MED12L: variants seen among roughly 807,000 people sequenced by gnomAD.
The protein encoded by MED12L is mediator of RNA polymerase II transcription subunit 12-like protein.
A neutral mutation model predicts 281.3 loss-of-function variants in MED12L; 60 were observed. The ratio of observed to expected loss-of-function variants is 0.21; its 90% CI spans 0.17 to 0.26. MED12L has a LOEUF of 0.26. MED12L is among the 10% of genes least tolerant of loss of function. The probability of loss-of-function intolerance (pLI) is 1.00; values close to 1 mark genes in which losing one functional copy is unlikely to be tolerated. For missense variants in MED12L, 2,146 were observed against 2,680.9 expected (o/e 0.80, Z 4.41); for synonymous variants, 974 against 987.2 (o/e 0.99, Z 0.25).
rs530355064 is a variant in MED12L at position 151,200,714 on chromosome 3, T to C, written c.2250+7048T>C. Among the ~76,000 whole-genome samples, 5 of 152,378 alleles carry C rather than the reference T, an allele frequency of 3.3e-5. No individual in the cohort carries two copies. In the South Asian group the frequency reaches 1.0e-3, roughly 32 times the overall value. ...GCCCTTTCTCTTTCCCTACCTGAGT[T>C]AGCACGTTAGAGTCCATGAATAATG... is the stretch of plus-strand genomic sequence containing the variant. On this transcript the variant is annotated intron_variant, in intron 16 of 44. Coordinates refer to ENST00000687756, the MANE Select transcript of MED12L (RefSeq NM_001393769.1).
chr3:151,298,443 A>G (rs926184287), intron 16 of MED12L, among the ~76,000 whole-genome samples: 1 of 152,236 alleles, frequency 6.6e-6, no homozygotes, highest in African/African-American at 2.4e-5. Flanking sequence ...ATATTATCAA[A>G]CATGATTTCC....
chr3:151,088,999 T>C (rs1187163301), intron 2 of MED12L, among the ~76,000 whole-genome samples: 1 of 152,222 alleles, frequency 6.6e-6, no homozygotes, highest in Non-Finnish European at 1.5e-5. Context: ...TTGGCTGTTC[T>C]TGGGTGGTTG....
At chr3:151,125,945 C>T (rs1173369634) in intron 4 of MED12L, among the ~76,000 whole-genome samples, 1 of 152,000 alleles carries the variant, frequency 6.6e-6, no homozygotes, top group Non-Finnish European at 1.5e-5. Flanking sequence ...TCGCCTCTGT[C>T]ATGGGGTCTG....
chr3:151,393,979 C>T (rs1560120007), intron 38 of MED12L, among the ~76,000 whole-genome samples: 1 of 151,862 alleles, frequency 6.6e-6, no homozygotes, highest in African/African-American at 2.4e-5. Flanking sequence ...CAAATGTCGA[C>T]TTTTTTTTCC....
At chr3:151,342,485 T>A (rs556441091) in intron 16 of MED12L, among the ~76,000 whole-genome samples, 1 of 152,184 alleles carries the variant, frequency 6.6e-6, no homozygotes, top group African/African-American at 2.4e-5. Flanking sequence ...AAATGCACAT[T>A]TTTGGGCACC....
rs1719621802 is a variant in MED12L at position 151,158,816 on chromosome 3, C to T, written c.837+17C>T. On this transcript the variant is annotated intron_variant, in intron 7 of 44. Transcript: ENST00000687756. ...ATGCTGCAGGTATAGTACATGTCCC[C>T]TTGAGGCAGTTGGTTTTATGGGCAA... 1 of 1,544,368 alleles carries T rather than the reference C, an allele frequency of 6.5e-7. No individual in the cohort carries two copies. Among genetic ancestry groups the T allele is most frequent in the East Asian group, 2.3e-5 (1 of 44,386 alleles).
intron 16 of MED12L, chr3:151,294,831 G>C (rs766162743): frequency 1.2e-6 from 2 of 1,614,020 alleles, no homozygotes; most frequent in Middle Eastern, 1.6e-4. Context: ...TTCAGATAGC[G>C]ATCAATGCTT....
intron 16 of MED12L, among the ~76,000 whole-genome samples, chr3:151,211,025 A>G (rs1353346954): frequency 1.3e-5 from 2 of 152,192 alleles, no homozygotes; most frequent in African/African-American, 2.4e-5. Context: ...CACTAGTGCT[A>G]GTGATTTCTG....
chr3:151,322,067 C>G (rs1457470255), intron 16 of MED12L, among the ~76,000 whole-genome samples: 1 of 152,194 alleles, frequency 6.6e-6, no homozygotes, highest in Non-Finnish European at 1.5e-5. Context: ...TTGTACTTCT[C>G]TGTTAGCTAT....
At chr3:151,299,862 T>C (rs1468859855) in intron 16 of MED12L, among the ~76,000 whole-genome samples, 2 of 152,184 alleles carry the variant, frequency 1.3e-5, no homozygotes, top group Non-Finnish European at 2.9e-5. Context: ...AAACAAAGTT[T>C]AAAACAAAAT....
chr3:151,411,258 T>C lies in MED12L; in HGVS notation c.5911-20T>C. On this transcript the variant is annotated intron_variant, in intron 40 of 44. Coordinates refer to ENST00000687756, the MANE Select transcript of MED12L (RefSeq NM_001393769.1). ...GTGATAAGTTGAAACATTGACTTCTTCCCTTGTGCCTACCTGCAGACCATG... is the reference window on the plus strand; with the variant it reads ...GTGATAAGTTGAAACATTGACTTCTCCCCTTGTGCCTACCTGCAGACCATG... 6.2e-7 allele frequency: 1 copy of C among 1,607,356 alleles called. No individual in the cohort carries two copies.
intron 16 of MED12L, among the ~76,000 whole-genome samples, chr3:151,318,406 G>T (rs1364606000): frequency 1.3e-5 from 2 of 150,786 alleles, no homozygotes. Context: ...GAGCAGAAGG[G>T]TTATGCTATG....
At chr3:151,113,961 T>TAA (rs1410081719) in intron 2 of MED12L, among the ~76,000 whole-genome samples, 2 of 151,740 alleles carry the variant, frequency 1.3e-5, no homozygotes, top group Non-Finnish European at 2.9e-5. Flanking sequence ...AGTAAAAACA[T>TAA]ATGCTGTTAC....
At position 151,434,973 on chromosome 3, in the gene MED12L, G is replaced by C. The variant is rs1719938249; in HGVS notation, c.*2169G>C. 1 of 149,590 alleles carries C rather than the reference G, an allele frequency of 6.7e-6. No individual in the cohort carries two copies. The highest frequency in any genetic ancestry group is 2.1e-4 in the South Asian group (1 of 4,708). The allele number at this position is 149,590 out of a possible 1,614,324, so 9.3% of individuals were successfully genotyped here. A position where few individuals can be genotyped will look rare whatever the true frequency, so the allele number is the denominator to read the frequency against. On this transcript the variant is annotated 3_prime_UTR_variant, in exon 45 of 45. Coordinates refer to ENST00000687756, the MANE Select transcript of MED12L (RefSeq NM_001393769.1). ...ATTCTATTGAAAGTTGAGGAATGCT[G>C]TTTTACCCCTGCGCATTATAAAGAA... is the stretch of plus-strand genomic sequence containing the variant.
chr3:151,366,514 T>A (rs1577456199), intron 23 of MED12L, among the ~76,000 whole-genome samples: 1 of 152,350 alleles, frequency 6.6e-6, no homozygotes, highest in South Asian at 2.1e-4. Flanking sequence ...AAGATACCCC[T>A]TGTATATATC....
At chr3:151,369,938 G>C (rs1755975145) in intron 26 of MED12L, among the ~76,000 whole-genome samples, 1 of 152,076 alleles carries the variant, frequency 6.6e-6, no homozygotes, top group Admixed American at 6.6e-5. Context: ...TATTTCAGGA[G>C]CAGAACACCA....
chr3:151,350,103 C>T lies in MED12L; in HGVS notation c.2295C>T (p.Leu765=). 3 of 1,613,456 alleles carry T rather than the reference C, an allele frequency of 1.9e-6. No homozygotes were observed. The highest frequency in any genetic ancestry group is 2.5e-6 in the Non-Finnish European group (3 of 1,179,618). The part of the protein sequence containing the change: ...SHECNQRTIL[L]YGVGKERDEA... ...AATGTAACCAGCGCACAATCCTTCTCTATGGAGTCGGCAAAGAGCGTGATG... is the reference window on the plus strand; with the variant it reads ...AATGTAACCAGCGCACAATCCTTCTTTATGGAGTCGGCAAAGAGCGTGATG... Residue 765 remains leucine (L), a synonymous_variant, in exon 17 of 45, where the codon CTC becomes CTT. Coordinates refer to ENST00000687756, the MANE Select transcript of MED12L (RefSeq NM_001393769.1).
intron 25 of MED12L, among the ~76,000 whole-genome samples, chr3:151,368,760 AT>A (rs201834162): frequency 0.013 from 1,071 of 80,254 alleles, 40 homozygotes; most frequent in African/African-American, 0.04. Flanking sequence ...ATGTCATTTC[AT>A]TTTTTTTTTT....
chr3:151,313,811 C>A (rs944146560), intron 16 of MED12L, among the ~76,000 whole-genome samples: 3 of 151,978 alleles, frequency 2.0e-5, no homozygotes, highest in African/African-American at 7.3e-5. Context: ...ATAATCCCAG[C>A]CACTTGGGAG....
Sources: allele counts gnomAD v4.1 joint callset (sites outside exome capture counted in the v4.1 genomes callset), GRCh38; gene constraint gnomAD v4.1.1; transcripts MANE v1.5; gene names NCBI Gene and HGNC (gene_info 2026-07-23, HGNC 2026-07-21).